SEMA6D: variants seen among roughly 807,000 people sequenced by gnomAD.
The protein encoded by SEMA6D is semaphorin-6D.
In SEMA6D, 35 loss-of-function variants were observed where a neutral mutation model predicts 106.6. That is an observed-to-expected ratio of 0.33 (90% CI 0.25 to 0.44). The LOEUF (loss-of-function observed/expected upper bound fraction) is 0.44. SEMA6D is among the 20% of genes least tolerant of loss of function. The pLI is 1.00. For synonymous variants in SEMA6D, 499 were observed against 487.7 expected, an observed-to-expected ratio of 1.02 and a Z score of -0.31; for missense variants, 1,185 against 1,345.9, an observed-to-expected ratio of 0.88 and a Z score of 1.87.
intron 2 of SEMA6D, among the ~76,000 whole-genome samples, chr15:47,446,184 C>T (rs1213327486): frequency 1.3e-5 from 2 of 152,144 alleles, no homozygotes; most frequent in African/African-American, 2.4e-5. Context: ...CCCCCACCCC[C>T]ACTCCCACCC....
At chr15:47,341,912 C>T (rs2037828690) in intron 1 of SEMA6D, among the ~76,000 whole-genome samples, 1 of 151,190 alleles carries the variant, frequency 6.6e-6, no homozygotes, top group Non-Finnish European at 1.5e-5. Flanking sequence ...TGAGAGATCA[C>T]CACAGTGCCA....
At chr15:47,335,567 G>T (rs1376539867) in intron 1 of SEMA6D, among the ~76,000 whole-genome samples, 1 of 152,064 alleles carries the variant, frequency 6.6e-6, no homozygotes, top group African/African-American at 2.4e-5. Flanking sequence ...GAATATGTCT[G>T]TTACCCAGAT....
intron 2 of SEMA6D, among the ~76,000 whole-genome samples, chr15:47,467,651 G>A (rs1052921315): frequency 1.3e-5 from 2 of 152,152 alleles, no homozygotes; most frequent in African/African-American, 4.8e-5. Context: ...TGGAAGTGGA[G>A]CTGTTTCTCT....
At chr15:47,572,625 T>C (rs1435861893) in intron 3 of SEMA6D, among the ~76,000 whole-genome samples, 1 of 152,136 alleles carries the variant, frequency 6.6e-6, no homozygotes, top group Non-Finnish European at 1.5e-5. Context: ...ATATTAAGAA[T>C]CAAATCACAT....
intron 1 of SEMA6D, among the ~76,000 whole-genome samples, chr15:47,320,135 C>G (rs189498559): frequency 6.6e-6 from 1 of 152,212 alleles, no homozygotes; most frequent in Admixed American, 6.5e-5. Flanking sequence ...CACCAGAAAC[C>G]AAAGCCCTCA....
intron 3 of SEMA6D, among the ~76,000 whole-genome samples, chr15:47,501,426 A>G (rs941738385): frequency 1.1e-4 from 17 of 152,328 alleles, no homozygotes; most frequent in Admixed American, 3.3e-4. Flanking sequence ...AAAACCTGCA[A>G]TGGACTTGGG....
intron 1 of SEMA6D, among the ~76,000 whole-genome samples, chr15:47,754,543 A>G (rs1424382418): frequency 2.0e-5 from 3 of 152,112 alleles, no homozygotes; most frequent in Non-Finnish European, 4.4e-5. Context: ...TTGGAAGGTA[A>G]TGTATCTTAG....
intron 1 of SEMA6D, among the ~76,000 whole-genome samples, chr15:47,226,885 C>G (rs2031709354): frequency 6.6e-6 from 1 of 152,048 alleles, no homozygotes. Flanking sequence ...GATATTACGC[C>G]AGCTTCTTTC....
intron 1 of SEMA6D, among the ~76,000 whole-genome samples, chr15:47,357,249 G>A (rs1254441742): frequency 8.6e-5 from 13 of 152,038 alleles, no homozygotes; most frequent in Non-Finnish European, 1.9e-4. Flanking sequence ...CAGGAGAATG[G>A]CATGAACCTG....
chr15:47,530,426 A>G (rs573257229), intron 3 of SEMA6D, among the ~76,000 whole-genome samples: 1 of 152,314 alleles, frequency 6.6e-6, no homozygotes, highest in East Asian at 1.9e-4. Flanking sequence ...TAATTAGACA[A>G]TAGTTCCCTA....
intron 1 of SEMA6D, among the ~76,000 whole-genome samples, chr15:47,360,765 T>C (rs1190943994): frequency 6.6e-6 from 1 of 152,214 alleles, no homozygotes; most frequent in African/African-American, 2.4e-5. Flanking sequence ...CCTAATCATA[T>C]TTAGAAAGCA....
At chr15:47,760,030 C>G (rs1279760458) in intron 2 of SEMA6D, 123 bp downstream of exon 2, 6 of 774,092 alleles carry the variant, frequency 7.8e-6, no homozygotes, top group Non-Finnish European at 1.3e-5. Flanking sequence ...GAATTTGCAT[C>G]TGAGTTTATC....
chr15:47,227,899 T>C (rs1272099566), intron 1 of SEMA6D, among the ~76,000 whole-genome samples: 2 of 143,500 alleles, frequency 1.4e-5, no homozygotes, highest in Non-Finnish European at 3.0e-5. Flanking sequence ...ATTTTATATA[T>C]ATAAGAATCT....
chr15:47,344,092 G>C (rs1341133104), intron 1 of SEMA6D, among the ~76,000 whole-genome samples: 1 of 152,172 alleles, frequency 6.6e-6, no homozygotes, highest in South Asian at 2.1e-4. Context: ...ATAGGTGCTG[G>C]AGAGGATGTG....
intron 4 of SEMA6D, among the ~76,000 whole-genome samples, chr15:47,691,047 C>T (rs954338001): frequency 5.9e-5 from 9 of 152,040 alleles, no homozygotes; most frequent in East Asian, 1.9e-4. Context: ...GATTAAAATG[C>T]GTTTATGCAT....
At position 47,234,294 on chromosome 15, in the gene SEMA6D, T is replaced by TCTAAGGCAGAGAC. The variant is rs1342180332; in HGVS notation, c.-239+49876_-239+49877insCTAAGGCAGAGAC. Among the ~76,000 whole-genome samples the TCTAAGGCAGAGAC allele has an allele frequency of 2.0e-5, 3 of 151,934 alleles. No individual in the cohort carries two copies. In the East Asian group the frequency reaches 5.8e-4, roughly 29 times the overall value. On this transcript the variant is annotated intron_variant, in intron 1 of 19. Transcript: ENST00000558014. ...AAAGTCTAAGGCAGAGACTAATGCATTTATGCTTGTAAATGTTATACATAC... is the reference window on the plus strand; with the variant it reads ...AAAGTCTAAGGCAGAGACTAATGCATCTAAGGCAGAGACTTATGCTTGTAAATGTTATACATAC...
At chr15:47,232,526 G>GGTGTGTGTGT (rs60261871) in intron 1 of SEMA6D, among the ~76,000 whole-genome samples, 74 of 148,140 alleles carry the variant, frequency 5.0e-4, no homozygotes, top group African/African-American at 1.8e-3. Context: ...ATGGGGGGAG[G>GGTGTGTGTGT]GTGTGTGTGT....
intron 1 of SEMA6D, among the ~76,000 whole-genome samples, chr15:47,386,146 G>A (rs16959379): frequency 0.13 from 20,099 of 152,030 alleles, 1,536 homozygotes; most frequent in East Asian, 0.28. Flanking sequence ...GGTTCAAGGG[G>A]CTCAACATCT....
intron 1 of SEMA6D, among the ~76,000 whole-genome samples, chr15:47,315,472 A>G (rs7165921): frequency 6.4e-4 from 98 of 152,306 alleles, no homozygotes; most frequent in African/African-American, 2.3e-3. Context: ...TCTTTCACCA[A>G]TACCACACTG....
Sources: gnomAD v4.1 joint callset for allele counts (sites outside exome capture counted in the v4.1 genomes callset) on GRCh38, gnomAD v4.1.1 for gene constraint, MANE v1.5 for transcripts, NCBI Gene and HGNC (gene_info 2026-07-23, HGNC 2026-07-21) for gene names.